Variants in TOX observed in about 807,000 individuals in gnomAD.
TOX encodes thymocyte selection-associated high mobility group box protein TOX.
In TOX, 11 loss-of-function variants were observed where a neutral mutation model predicts 53.7. That is an observed-to-expected ratio of 0.20 (90% confidence interval 0.13 to 0.34). The LOEUF is 0.34. TOX is among the 10% of genes least tolerant of loss of function. The pLI is 1.00. For missense variants in TOX, 570 were observed against 664.6 expected (o/e 0.86, Z 1.56); for synonymous variants, 225 against 245.3 (o/e 0.92, Z 0.77).
At chr8:59,087,088 C>T (rs1030728226) in intron 1 of TOX, among the ~76,000 whole-genome samples, 1 of 152,138 alleles carries the variant, frequency 6.6e-6, no homozygotes, top group African/African-American at 2.4e-5. Context: ...CTCAGCAAGC[C>T]AGGCTTTCTG....
chr8:58,954,895 AAG>A (rs1268035023), intron 2 of TOX, among the ~76,000 whole-genome samples: 1 of 152,182 alleles, frequency 6.6e-6, no homozygotes, highest in Non-Finnish European at 1.5e-5. Flanking sequence ...ATAAAGAAAA[AAG>A]AGAAGATAGT....
At chr8:59,047,214 T>G (rs1357705550) in intron 1 of TOX, among the ~76,000 whole-genome samples, 4 of 111,982 alleles carry the variant, frequency 3.6e-5, no homozygotes, top group African/African-American at 1.1e-4. Flanking sequence ...TTTTTTTTTT[T>G]TTTTTTTTTT....
At chr8:59,006,253 G>A (rs922131758) in intron 1 of TOX, among the ~76,000 whole-genome samples, 1 of 152,188 alleles carries the variant, frequency 6.6e-6, no homozygotes, top group Non-Finnish European at 1.5e-5. Context: ...ACATACACAG[G>A]AAGATACACT....
At chr8:59,106,348 T>C (rs1474777060) in intron 1 of TOX, among the ~76,000 whole-genome samples, 3 of 152,172 alleles carry the variant, frequency 2.0e-5, no homozygotes, top group African/African-American at 4.8e-5. Flanking sequence ...ACACTTCGTA[T>C]AGCAAGTGCC....
At chr8:59,098,424 CTTT>C (rs3214834) in intron 1 of TOX, among the ~76,000 whole-genome samples, 1 of 142,448 alleles carries the variant, frequency 7.0e-6, no homozygotes, top group East Asian at 2.0e-4. Flanking sequence ...GAATAAACTT[CTTT>C]TTTTTTTTTT....
At chr8:58,956,438 G>A (rs1379490980) in intron 2 of TOX, among the ~76,000 whole-genome samples, 1 of 152,092 alleles carries the variant, frequency 6.6e-6, no homozygotes, top group African/African-American at 2.4e-5. Flanking sequence ...ACATTTTATT[G>A]TATAGATTTA....
At chr8:58,982,751 T>G (rs1191075798) in intron 1 of TOX, among the ~76,000 whole-genome samples, 1 of 152,188 alleles carries the variant, frequency 6.6e-6, no homozygotes, top group African/African-American at 2.4e-5. Flanking sequence ...AATATAACTC[T>G]GAAAATAATG....
chr8:58,962,707 A>G (rs963636362), intron 1 of TOX, among the ~76,000 whole-genome samples: 1 of 152,178 alleles, frequency 6.6e-6, no homozygotes, highest in Non-Finnish European at 1.5e-5. Flanking sequence ...TTGGGAGGCT[A>G]AGGTGGGAGG....
intron 1 of TOX, among the ~76,000 whole-genome samples, chr8:59,074,935 C>G (rs373069521): frequency 1.8e-3 from 268 of 152,304 alleles, no homozygotes; most frequent in African/African-American, 6.3e-3. Flanking sequence ...TAAGGAAGAG[C>G]AGACTACCTG....
chr8:58,877,784 A>C (rs1811310563), intron 3 of TOX, among the ~76,000 whole-genome samples: 1 of 152,196 alleles, frequency 6.6e-6, no homozygotes, highest in Admixed American at 6.5e-5. Context: ...AGGCCTTTCA[A>C]ACACTTTCTA....
intron 1 of TOX, among the ~76,000 whole-genome samples, chr8:59,006,808 T>A (rs1363848560): frequency 1.3e-5 from 2 of 152,172 alleles, no homozygotes; most frequent in African/African-American, 4.8e-5. Context: ...AATGGGATCT[T>A]TTTGTGCACA....
intron 6 of TOX, 49 bp downstream of exon 6, chr8:58,826,773 G>C: frequency 6.6e-7 from 1 of 1,521,510 alleles, no homozygotes; most frequent in Non-Finnish European, 8.9e-7. Flanking sequence ...ATCAAAGTCT[G>C]CGCCGAGATG....
chr8:59,075,133 T>G (rs1232122869), intron 1 of TOX, among the ~76,000 whole-genome samples: 2 of 152,150 alleles, frequency 1.3e-5, no homozygotes, highest in Non-Finnish European at 2.9e-5. Context: ...TTTTTAACCC[T>G]CAAGGATCAG....
chr8:58,903,299 G>A (rs1031369101), intron 3 of TOX, among the ~76,000 whole-genome samples: 3 of 152,116 alleles, frequency 2.0e-5, no homozygotes, highest in Admixed American at 2.0e-4. Context: ...GTTTTAGGTT[G>A]GTTGTTAAAA....
At position 58,890,979 on chromosome 8, in the gene TOX, A is replaced by G. The variant is rs117539571; in HGVS notation, c.412-39174T>C. Among the ~76,000 whole-genome samples, 640 of 152,218 alleles carry G rather than the reference A, an allele frequency of 4.2e-3. 2 individuals are homozygous for G. Among genetic ancestry groups the G allele is most frequent in the Non-Finnish European group, 6.9e-3 (469 of 67,998 alleles). The stretch of plus-strand genomic sequence containing the variant: ...GTCCAACAGGATCTTAGAGATCGGT[A>G]TGTTCATTACTTAAGCACACTGATC... On this transcript the variant is annotated intron_variant, in intron 3 of 8. Transcript: ENST00000361421.
intron 1 of TOX, among the ~76,000 whole-genome samples, chr8:59,023,077 C>G (rs570814155): frequency 5.3e-5 from 8 of 152,260 alleles, no homozygotes; most frequent in African/African-American, 1.9e-4. Context: ...TTCCACTCTG[C>G]AATTTTTGAA....
At chr8:59,100,017 G>A (rs1804778342) in intron 1 of TOX, among the ~76,000 whole-genome samples, 1 of 152,058 alleles carries the variant, frequency 6.6e-6, no homozygotes, top group South Asian at 2.1e-4. Flanking sequence ...TAAAGACATG[G>A]AGTAGAATTG....
intron 1 of TOX, among the ~76,000 whole-genome samples, chr8:58,974,242 C>T (rs1462762110): frequency 6.6e-6 from 1 of 152,188 alleles, no homozygotes; most frequent in Non-Finnish European, 1.5e-5. Flanking sequence ...TGCTCCCATA[C>T]ACCCTACACT....
intron 1 of TOX, among the ~76,000 whole-genome samples, chr8:59,071,358 T>C (rs928103262): frequency 2.6e-5 from 4 of 152,188 alleles, no homozygotes; most frequent in Admixed American, 2.6e-4. Flanking sequence ...GTTATCAAAC[T>C]TCATATGGAA....
Sources: allele counts gnomAD v4.1 joint callset (sites outside exome capture counted in the v4.1 genomes callset), GRCh38; gene constraint gnomAD v4.1.1; transcripts MANE v1.5; gene names NCBI Gene and HGNC (gene_info 2026-07-23, HGNC 2026-07-21).